UBR2: variants seen among roughly 807,000 people sequenced by gnomAD.
UBR2 encodes the protein ubiquitin protein ligase E3 component n-recognin 2, also known as E3 ubiquitin-protein ligase UBR2.
UBR2 carries 92 observed loss-of-function variants against 247.9 expected under a neutral mutation model. The ratio of observed to expected loss-of-function variants is 0.37; its 90% CI spans 0.31 to 0.44. The LOEUF (loss-of-function observed/expected upper bound fraction) is 0.44. Among genes scored for constraint, UBR2 ranks in the 20% least tolerant of loss-of-function variants. The probability of loss-of-function intolerance (pLI) is 1.00; values close to 1 mark genes in which losing one functional copy is unlikely to be tolerated. For missense variants in UBR2, 1,613 were observed against 2,112.6 expected (o/e 0.76, Z 4.64); for synonymous variants, 672 against 693.5 (o/e 0.97, Z 0.49).
intron 4 of UBR2, among the ~76,000 whole-genome samples, chr6:42,602,054 A>C (rs1355562781): frequency 6.6e-6 from 1 of 150,778 alleles, no homozygotes; most frequent in Non-Finnish European, 1.5e-5. Context: ...TTTTTAGTAG[A>C]GATGAGGTTT....
intron 32 of UBR2, among the ~76,000 whole-genome samples, 185 bp downstream of exon 32, chr6:42,663,604 G>A (rs1312181523): frequency 6.6e-6 from 1 of 152,146 alleles, no homozygotes; most frequent in African/African-American, 2.4e-5. Context: ...AGAGGAACAG[G>A]TGAAAATTTA....
At chr6:42,617,257 G>T in intron 10 of UBR2, 152 bp from the exon 11 acceptor site, 3 of 1,614,128 alleles carry the variant, frequency 1.9e-6, no homozygotes, top group Non-Finnish European at 2.5e-6. Context: ...AGCAGTTGCA[G>T]AGAGATTTTA....
At position 42,588,739 on chromosome 6, in the gene UBR2, C is replaced by T. The variant is rs191361369; in HGVS notation, c.339-3412C>T. On this transcript the variant is annotated intron_variant, in intron 2 of 46. Transcript: ENST00000372901. ...CTCCAACCCCACCCCTCCCCTCTTC[C>T]GAGATTTTGGTGGGTGAGTCTGAAA... Among the ~76,000 whole-genome samples, 7 of 152,226 alleles carry T rather than the reference C, an allele frequency of 4.6e-5. No homozygotes were observed. The East Asian group carries it at 7.7e-4, about 17-fold the overall frequency.
chr6:42,620,494 GTTTTTGTTTT>G (rs1794914575), intron 11 of UBR2: 1 of 97,024 alleles, frequency 1.0e-5, no homozygotes, highest in African/African-American at 3.7e-5. Flanking sequence ...TTTTTTTTTT[GTTTTTGTTTT>G]TGTTTTTTTT....
At chr6:42,665,777 C>T (rs1374505775) in intron 33 of UBR2, among the ~76,000 whole-genome samples, 1 of 151,504 alleles carries the variant, frequency 6.6e-6, no homozygotes, top group East Asian at 1.9e-4. Flanking sequence ...GGAGATGTAA[C>T]TGAGTGTTGC....
intron 11 of UBR2, among the ~76,000 whole-genome samples, chr6:42,630,342 G>A (rs1028217198): frequency 3.3e-5 from 5 of 151,528 alleles, no homozygotes; most frequent in Non-Finnish European, 7.4e-5. Flanking sequence ...CCACCACCAC[G>A]CCCAGCTAAT....
intron 18 of UBR2, among the ~76,000 whole-genome samples, chr6:42,643,840 A>G (rs894418622): frequency 1.3e-5 from 2 of 152,290 alleles, no homozygotes; most frequent in African/African-American, 4.8e-5. Flanking sequence ...AATATACCAC[A>G]TTTCCAAGTC....
At position 42,659,698 on chromosome 6, in the gene UBR2, A is replaced by C. The variant is rs1276174060; in HGVS notation, c.3285A>C (p.Ala1095=). ...TGACACTTACAGCACTGGGCCCCGCACAAACTCAGGTTCCTGAACAAAGAC... is the reference window on the plus strand; with the variant it reads ...TGACACTTACAGCACTGGGCCCCGCCCAAACTCAGGTTCCTGAACAAAGAC... ...SDMTLTALGP[A]QTQVPEQRQF... is the part of the protein sequence containing the mutation. The change falls in exon 30 of 47, where the codon GCA becomes GCC. Residue 1095 remains alanine, a synonymous_variant. Transcript: ENST00000372901. The surrounding 1 kb of genome is among the most constrained non-coding windows in gnomAD (Gnocchi z 4.3). The C allele has an allele frequency of 4.3e-6, 7 of 1,613,974 alleles. No individual in the cohort carries two copies.
rs1798715334 is a variant in UBR2, at chr6:42,676,252, A to G, written c.4387+61A>G. The G allele has an allele frequency of 4.7e-6, 7 of 1,488,858 alleles. No individual in the cohort carries two copies. In the East Asian group the frequency reaches 1.7e-4, roughly 36 times the overall value. 92.2% of individuals were successfully genotyped at this position (1,488,858 alleles called of 1,614,324 possible). A position where few individuals can be genotyped will look rare whatever the true frequency, so the allele number is the denominator to read the frequency against. ...ATACTTGAGTTTTCTGAGTTTTAAA[A>G]AAAGTATTAGAGGAAAAGGTATTTG... is the stretch of plus-strand genomic sequence containing the variant. On this transcript the variant is annotated intron_variant, in intron 39 of 46. Transcript: ENST00000372901.
intron 10 of UBR2, among the ~76,000 whole-genome samples, chr6:42,616,681 A>G (rs114432435): frequency 1.0e-3 from 152 of 151,808 alleles, no homozygotes; most frequent in Non-Finnish European, 1.5e-3. Flanking sequence ...TAGGTTATTA[A>G]TATAGTTAAG....
intron 13 of UBR2, among the ~76,000 whole-genome samples, chr6:42,633,998 TG>T (rs1562336572): frequency 6.6e-6 from 1 of 152,340 alleles, no homozygotes; most frequent in Non-Finnish European, 1.5e-5. Flanking sequence ...CCCAATGTGC[TG>T]GGATTACAGG....
intron 45 of UBR2, 72 bp downstream of exon 45, chr6:42,688,458 T>C: frequency 6.5e-7 from 1 of 1,544,772 alleles, no homozygotes; most frequent in Middle Eastern, 2.4e-4. Context: ...CACAGGAAAC[T>C]ACTATATTGC....
intron 14 of UBR2, among the ~76,000 whole-genome samples, 158 bp from the exon 15 acceptor site, chr6:42,636,852 GA>G (rs1228936489): frequency 1.3e-5 from 2 of 152,116 alleles, no homozygotes; most frequent in Non-Finnish European, 2.9e-5. Flanking sequence ...TCACTGAGAT[GA>G]GGGACACTGG....
At chr6:42,670,450 G>A (rs1798362705) in intron 35 of UBR2, among the ~76,000 whole-genome samples, 2 of 152,128 alleles carry the variant, frequency 1.3e-5, no homozygotes, top group African/African-American at 4.8e-5. Context: ...TCTTGGTGGT[G>A]GTGGTTATAG....
intron 11 of UBR2, among the ~76,000 whole-genome samples, chr6:42,627,719 C>T (rs925302134): frequency 1.3e-5 from 2 of 151,836 alleles, no homozygotes; most frequent in African/African-American, 4.8e-5. Context: ...GCTATGTTGC[C>T]TGGGCTGGTC....
chr6:42,591,055 C>T (rs138178967), intron 2 of UBR2, among the ~76,000 whole-genome samples: 92 of 152,302 alleles, frequency 6.0e-4, no homozygotes, highest in African/African-American at 2.0e-3. Context: ...AGTTTGAGAC[C>T]AGCCTGGCCA....
chr6:42,572,622 T>C (rs1027527380), intron 1 of UBR2, among the ~76,000 whole-genome samples: 2 of 151,914 alleles, frequency 1.3e-5, no homozygotes, highest in African/African-American at 2.4e-5. Flanking sequence ...TAGTACCCAA[T>C]AGGTAGTTTT....
intron 34 of UBR2, among the ~76,000 whole-genome samples, chr6:42,669,094 T>C (rs1453229387): frequency 2.0e-5 from 3 of 151,962 alleles, no homozygotes; most frequent in African/African-American, 7.2e-5. Context: ...CCACTCATTT[T>C]TTGTATTTTT....
chr6:42,578,349 A>G (rs1212989724), intron 2 of UBR2, among the ~76,000 whole-genome samples: 1 of 152,152 alleles, frequency 6.6e-6, no homozygotes, highest in African/African-American at 2.4e-5. Context: ...TTGTCTCAGA[A>G]ATTATGATCT....
Sources: gnomAD v4.1 joint callset for allele counts (sites outside exome capture counted in the v4.1 genomes callset) on GRCh38, gnomAD v4.1.1 for gene constraint, Gnocchi (gnomAD v3.1) non-coding constraint, MANE v1.5 for transcripts, NCBI Gene and HGNC (gene_info 2026-07-23, HGNC 2026-07-21) for gene names.